VAV2: variants seen among roughly 807,000 people sequenced by gnomAD.
The protein encoded by VAV2 is guanine nucleotide exchange factor VAV2.
A neutral mutation model predicts 132.5 loss-of-function variants in VAV2; 67 were observed. The ratio of observed to expected loss-of-function variants is 0.51; its 90% CI spans 0.42 to 0.62. The LOEUF (loss-of-function observed/expected upper bound fraction) is 0.62, where lower values mean the gene tolerates loss of function less well. Ranked by LOEUF, VAV2 falls within the 20% of genes least tolerant of loss-of-function variation. The pLI, the probability that VAV2 is intolerant of heterozygous loss-of-function variation, is 0.00. For synonymous variants in VAV2, 492 were observed against 443.5 expected (o/e 1.11, Z -1.37); for missense variants, 938 against 1,153.6 (o/e 0.81, Z 2.71).
Position 133,773,383 on chromosome 9 carries a change from G to A in VAV2, c.2136-1337C>T, listed in dbSNP as rs112970914. On this transcript the variant is annotated intron_variant, in intron 25 of 29. Coordinates refer to ENST00000371850, the MANE Select transcript of VAV2 (RefSeq NM_001134398.2). ...CAGGACTGGAAGTTGCTCTGGGTGAGCTGGAGAGTGGTGAGTAAATGTGAA... is the reference window on the plus strand; with the variant it reads ...CAGGACTGGAAGTTGCTCTGGGTGAACTGGAGAGTGGTGAGTAAATGTGAA... Among the ~76,000 whole-genome samples, 159 of 152,392 alleles carry A rather than the reference G, an allele frequency of 1.0e-3. 3 individuals carry two copies. Among genetic ancestry groups the A allele is most frequent in the African/African-American group, 3.7e-3 (153 of 41,596 alleles).
chr9:133,876,512 G>A (rs966215143), intron 2 of VAV2, among the ~76,000 whole-genome samples: 8 of 152,390 alleles, frequency 5.2e-5, no homozygotes, highest in African/African-American at 1.9e-4. Context: ...CAGGCCCGGA[G>A]AGCGGCCATG....
chr9:133,783,689 G>A, intron 18 of VAV2, 98 bp from the exon 19 acceptor site: 1 of 1,102,694 alleles, frequency 9.1e-7, no homozygotes. Context: ...AGGCTCACCT[G>A]GCTGGCTGTC....
intron 2 of VAV2, among the ~76,000 whole-genome samples, chr9:133,867,574 C>CCACACCCT (rs1837857160): frequency 6.6e-6 from 1 of 152,208 alleles, no homozygotes; most frequent in Admixed American, 6.5e-5. Context: ...GCAGGGCCAG[C>CCACACCCT]CACACCCTCC....
intron 19 of VAV2, among the ~76,000 whole-genome samples, chr9:133,781,006 A>G (rs1833988055): frequency 6.6e-6 from 1 of 152,134 alleles, no homozygotes; most frequent in Non-Finnish European, 1.5e-5. Context: ...CGCCTGGGCC[A>G]CCTCTTTTGA....
intron 4 of VAV2, among the ~76,000 whole-genome samples, chr9:133,819,875 C>T (rs200584120): frequency 6.6e-5 from 10 of 151,828 alleles, no homozygotes; most frequent in South Asian, 2.1e-4. Context: ...ATAAAGGGAA[C>T]GGTAAAGAAG....
intron 3 of VAV2, among the ~76,000 whole-genome samples, chr9:133,849,199 C>T (rs1289221168): frequency 2.6e-5 from 4 of 152,176 alleles, no homozygotes; most frequent in African/African-American, 9.6e-5. Flanking sequence ...TTCCTCCCGC[C>T]CCGAACGCAC....
In VAV2 at chr9:133,991,592, C is replaced by A. The variant is rs940198221; in HGVS notation, c.204+483G>T. On this transcript the variant is annotated intron_variant, in intron 1 of 29. Transcript: ENST00000371850. This position sits in a 1 kb window ranked among gnomAD's most constrained non-coding sequence, Gnocchi z 4.8. Reference sequence around the variant, plus strand: ...AGCTCCCTCCGGCCCCGAGGGCTCCCGCCCCGCGCCCCTCCCGGGCCCTCC... The same window carrying A: ...AGCTCCCTCCGGCCCCGAGGGCTCCAGCCCCGCGCCCCTCCCGGGCCCTCC... Among the ~76,000 whole-genome samples the A allele has an allele frequency of 2.0e-5, 3 of 151,552 alleles. No homozygotes were observed. The highest frequency in any genetic ancestry group is 2.9e-5 in the Non-Finnish European group (2 of 67,828).
At chr9:133,977,473 C>G (rs1165853700) in intron 1 of VAV2, among the ~76,000 whole-genome samples, 1 of 152,216 alleles carries the variant, frequency 6.6e-6, no homozygotes. Flanking sequence ...GCCTGGGACA[C>G]AGAATGTTGC....
intron 9 of VAV2, among the ~76,000 whole-genome samples, chr9:133,803,287 G>A (rs1468783718): frequency 6.6e-6 from 1 of 152,186 alleles, no homozygotes; most frequent in African/African-American, 2.4e-5. Context: ...AAGCTCCACA[G>A]AGAGCTCCTC....
At chr9:133,818,743 T>G (rs1005199069) in intron 4 of VAV2, among the ~76,000 whole-genome samples, 2 of 152,208 alleles carry the variant, frequency 1.3e-5, no homozygotes, top group African/African-American at 4.8e-5. Flanking sequence ...AATTGCAACA[T>G]CTGGGTCATC....
chr9:133,912,544 G>T lies in VAV2; in HGVS notation c.321+26559C>A, dbSNP rs1437311695. 2.0e-5 allele frequency among the ~76,000 whole-genome samples: 3 copies of T among 152,096 alleles called. No homozygotes were observed. Among genetic ancestry groups the T allele is most frequent in the African/African-American group, 7.2e-5 (3 of 41,412 alleles). On this transcript the variant is annotated intron_variant, in intron 2 of 29. Transcript: ENST00000371850. This position sits in a 1 kb window ranked among gnomAD's most constrained non-coding sequence, Gnocchi z 4.3. ...TGGGAGCTGCAGCCAAATTCTGGGGGTGGGGGCACACGGGGAGAGGTTCCT... is the reference window on the plus strand; with the variant it reads ...TGGGAGCTGCAGCCAAATTCTGGGGTTGGGGGCACACGGGGAGAGGTTCCT...
At chr9:133,821,702 T>C (rs1835792908) in intron 4 of VAV2, among the ~76,000 whole-genome samples, 1 of 152,200 alleles carries the variant, frequency 6.6e-6, no homozygotes, top group Non-Finnish European at 1.5e-5. Context: ...CTGCGTTAGT[T>C]CCTGCTCAGC....
intron 9 of VAV2, among the ~76,000 whole-genome samples, chr9:133,800,078 G>C (rs1299203051): frequency 6.6e-6 from 1 of 152,230 alleles, no homozygotes; most frequent in Admixed American, 6.5e-5. Flanking sequence ...CTGAGGCTCA[G>C]AGAGCCCCGT....
rs1834962073 is a variant in VAV2 at position 133,802,319 on chromosome 9, C to CGT, written c.836+3760_836+3761dup. On this transcript the variant is annotated intron_variant, in intron 9 of 29. Transcript: ENST00000371850. This position sits in a 1 kb window ranked among gnomAD's most constrained non-coding sequence, Gnocchi z 5.8. ...ATGTGCACACAAACACACAAGCACGCGTGTACACACACACACACACACACA... is the reference window on the plus strand; with the variant it reads ...ATGTGCACACAAACACACAAGCACGCGTGTGTACACACACACACACACACACA... 7.7e-6 allele frequency among the ~76,000 whole-genome samples: 1 copy of CGT among 130,048 alleles called. No individual in the cohort carries two copies. Among genetic ancestry groups the CGT allele is most frequent in the Non-Finnish European group, 1.5e-5 (1 of 65,054 alleles). 85.3% of individuals were successfully genotyped at this position (130,048 alleles called of 152,430 possible).
chr9:133,772,474 C>G (rs694913), intron 25 of VAV2, among the ~76,000 whole-genome samples: 4 of 152,138 alleles, frequency 2.6e-5, no homozygotes, highest in South Asian at 2.1e-4. Flanking sequence ...TCAGAGGTGC[C>G]GAGCGCAAGC....
At position 133,770,414 on chromosome 9, in the gene VAV2, C is replaced by G; in HGVS notation, c.2311G>C (p.Glu771Gln). 1 of 1,614,144 alleles carries G rather than the reference C, an allele frequency of 6.2e-7. No individual in the cohort carries two copies. Residue 771 changes from glutamate (E) to glutamine (Q), a missense_variant, in exon 27 of 30, where the codon GAA becomes CAA. By Grantham distance (29) the Glu-to-Gln change is conservative. Transcript: ENST00000371850. Reference sequence around the variant, plus strand: ...CTGGAGGCCCTGGAGGCCGAACGTTCCCGGGACTTGTAGGGGTACTTGAGT... The same window carrying G: ...CTGGAGGCCCTGGAGGCCGAACGTTGCCGGGACTTGTAGGGGTACTTGAGT... ...TTLKYPYKSR[E>Q]RSASRASSRS...
At position 133,769,586 on chromosome 9, in the gene VAV2, G is replaced by T. The variant is rs1028705867; in HGVS notation, c.2348-83C>A. The T allele has an allele frequency of 8.5e-6, 12 of 1,416,642 alleles. No individual in the cohort carries two copies. Among genetic ancestry groups the T allele is most frequent in the African/African-American group, 2.8e-5 (2 of 70,252 alleles). The allele number at this position is 1,416,642 out of a possible 1,614,324, so 87.8% of individuals were successfully genotyped here. A position where few individuals can be genotyped will look rare whatever the true frequency, so the allele number is the denominator to read the frequency against. On this transcript the variant is annotated intron_variant, in intron 27 of 29. Coordinates refer to ENST00000371850, the MANE Select transcript of VAV2 (RefSeq NM_001134398.2). This position sits in a 1 kb window ranked among gnomAD's most constrained non-coding sequence, Gnocchi z 8.1. ...GGTGGGCACAGCTACAGGCCGGGGG[G>T]CATGGGGTGGGGCAGGCCCTTTGGC...
rs375879429 is a variant in VAV2, at chr9:133,896,138, C to G, written c.322-34706G>C. Among the ~76,000 whole-genome samples, 2 of 83,074 alleles carry G rather than the reference C, an allele frequency of 2.4e-5. 1 individual carries two copies. The highest frequency in any genetic ancestry group is 9.0e-4 in the South Asian group (2 of 2,218). The allele number at this position is 83,074 out of a possible 152,430, so 54.5% of individuals were successfully genotyped here. The stretch of plus-strand genomic sequence containing the variant: ...ATTAGGGAGTGGTGATGACTCTTAA[C>G]GAGCATAACACTAAAATCTTTATTA... On this transcript the variant is annotated intron_variant, in intron 2 of 29. Transcript: ENST00000371850.
chr9:133,782,979 C>T (rs975227238), intron 19 of VAV2, among the ~76,000 whole-genome samples: 1 of 152,224 alleles, frequency 6.6e-6, no homozygotes, highest in Non-Finnish European at 1.5e-5. Flanking sequence ...ATCCTCTCCC[C>T]TCCCTGAGCC....
Sources: allele counts gnomAD v4.1 joint callset (sites outside exome capture counted in the v4.1 genomes callset), GRCh38; gene constraint gnomAD v4.1.1; non-coding constraint Gnocchi (gnomAD v3.1); transcripts MANE v1.5; gene names NCBI Gene and HGNC (gene_info 2026-07-23, HGNC 2026-07-21).